The following OR4D10 variants were observed in gnomAD, a reference collection of about 807,000 sequenced individuals.
OR4D10 encodes the protein olfactory receptor family 4 subfamily D member 10, also known as olfactory receptor 4D10.
For synonymous variants in OR4D10, 188 were observed against 153.2 expected, an observed-to-expected ratio of 1.23 and a Z score of -1.68; for missense variants, 395 against 378.0, an observed-to-expected ratio of 1.04 and a Z score of -0.37.
chr11:59,474,993 G>A (rs1370249209), intron 2 of OR4D10, among the ~76,000 whole-genome samples: 13 of 139,014 alleles, frequency 9.4e-5, no homozygotes, highest in Non-Finnish European at 1.4e-4. Flanking sequence ...CCCGGGAGGC[G>A]GAGCTTGCAG....
At position 59,475,060 on chromosome 11, in the gene OR4D10, CAAAAA is replaced by C. The variant is rs771979917; in HGVS notation, c.-169+1279_-169+1283del. Among the ~76,000 whole-genome samples the C allele has an allele frequency of 5.7e-4, 38 of 66,782 alleles. 1 individual carries two copies. Among genetic ancestry groups the C allele is most frequent in the Non-Finnish European group, 7.6e-4 (28 of 37,008 alleles). The allele number at this position is 66,782 out of a possible 152,430, so 43.8% of individuals were successfully genotyped here. A position where few individuals can be genotyped will look rare whatever the true frequency, so the allele number is the denominator to read the frequency against. ...TGGGTGACAGAGTGAGACTCTGTCT[CAAAAA>C]AAAAAAAAAAAGGAAAAAGAAAAAA... is the stretch of plus-strand genomic sequence containing the variant. On this transcript the variant is annotated intron_variant, in intron 2 of 2. Coordinates refer to ENST00000530162, the MANE Select transcript of OR4D10 (RefSeq NM_001004705.2).
intron 2 of OR4D10, among the ~76,000 whole-genome samples, chr11:59,476,827 G>A (rs569610344): frequency 1.8e-4 from 27 of 151,656 alleles, no homozygotes; most frequent in African/African-American, 6.1e-4. Flanking sequence ...TCTCAGCAGC[G>A]AAATTCTTCC....
intron 2 of OR4D10, among the ~76,000 whole-genome samples, chr11:59,474,460 G>A (rs1858877971): frequency 1.3e-5 from 2 of 152,108 alleles, no homozygotes; most frequent in Admixed American, 1.3e-4. Context: ...TGTATAAGGT[G>A]GCGTGAATAA....
At position 59,478,190 on chromosome 11, in the gene OR4D10, G is replaced by C; in HGVS notation, c.761G>C (p.Cys254Ser). ...ITVVTLHFVPCIYVYARPFTA... is the reference protein window; with the variant it reads ...ITVVTLHFVPSIYVYARPFTA... ...GTGGTGACCCTGCATTTCGTGCCCT[G>C]CATCTATGTCTATGCCCGGCCCTTC... Residue 254 changes from cysteine to serine, a missense_variant, in exon 3 of 3, where the codon TGC (cysteine) becomes TCC (serine). By Grantham distance (112) the Cys-to-Ser change is moderately radical. Coordinates refer to ENST00000530162, the MANE Select transcript of OR4D10 (RefSeq NM_001004705.2). The C allele has an allele frequency of 6.2e-7, 1 of 1,613,912 alleles. No individual in the cohort carries two copies.
In OR4D10 at chr11:59,478,382, C is replaced by T. The variant is rs1180879574; in HGVS notation, c.*17C>T. The T allele has an allele frequency of 1.4e-6, 2 of 1,472,054 alleles. No individual in the cohort carries two copies. The highest frequency in any genetic ancestry group is 1.3e-5 in the South Asian group (1 of 75,748). 91.2% of individuals were successfully genotyped at this position (1,472,054 alleles called of 1,614,324 possible). ...AGAAAATAGAAAAAAAAATCCTCAG[C>T]TCTTCATCACCAAAGATATCTTATA... On this transcript the variant is annotated 3_prime_UTR_variant, in exon 3 of 3. Coordinates refer to ENST00000530162, the MANE Select transcript of OR4D10 (RefSeq NM_001004705.2).
In OR4D10 at chr11:59,478,233, T is replaced by A. The variant is rs1489090087; in HGVS notation, c.804T>A (p.Asp268Glu). Reference sequence around the variant, plus strand: ...GGCCCTTCACTGCCCTCCCCATGGATAAGGCCATCTCTGTCACCTTCACTG... The same window carrying A: ...GGCCCTTCACTGCCCTCCCCATGGAAAAGGCCATCTCTGTCACCTTCACTG... Reference protein sequence around the residue: ...YARPFTALPMDKAISVTFTVI... With the variant: ...YARPFTALPMEKAISVTFTVI... Residue 268 changes from aspartate (D) to glutamate (E), a missense_variant, in exon 3 of 3, where the codon GAT becomes GAA. Physicochemically the swap from Asp to Glu is conservative, Grantham distance 45. Coordinates refer to ENST00000530162, the MANE Select transcript of OR4D10 (RefSeq NM_001004705.2). 6.2e-7 allele frequency: 1 copy of A among 1,613,938 alleles called. No homozygotes were observed. Among genetic ancestry groups the A allele is most frequent in the Non-Finnish European group, 8.5e-7 (1 of 1,179,990 alleles).
In OR4D10 at chr11:59,477,535, G is replaced by A; in HGVS notation, c.106G>A (p.Val36Met). 1 of 1,614,076 alleles carries A rather than the reference G, an allele frequency of 6.2e-7. No homozygotes were observed. The highest frequency in any genetic ancestry group is 8.5e-7 in the Non-Finnish European group (1 of 1,179,972). The change falls in exon 3 of 3, where the codon GTG (valine) becomes ATG (methionine). Residue 36 changes from valine (V) to methionine (M), a missense_variant. By Grantham distance (21) the Val-to-Met change is conservative (BLOSUM62 1). Transcript: ENST00000530162. ...VLFLFLLLVYVTTLLGNLLIM... is the reference protein window; with the variant it reads ...VLFLFLLLVYMTTLLGNLLIM... ...ATTTCTTTTCCTACTCTTGGTGTATGTGACAACTTTGCTGGGAAACCTCCT... is the reference window on the plus strand; with the variant it reads ...ATTTCTTTTCCTACTCTTGGTGTATATGACAACTTTGCTGGGAAACCTCCT...
intron 2 of OR4D10, among the ~76,000 whole-genome samples, chr11:59,475,870 A>C (rs1858900852): frequency 6.6e-6 from 1 of 152,190 alleles, no homozygotes; most frequent in Non-Finnish European, 1.5e-5. Context: ...ACTTACCTGA[A>C]AATTTTATAA....
chr11:59,476,850 A>G (rs1858913642), intron 2 of OR4D10, among the ~76,000 whole-genome samples: 3 of 152,122 alleles, frequency 2.0e-5, no homozygotes, highest in African/African-American at 7.2e-5. Flanking sequence ...TGGGGGAAAA[A>G]AAAATCACCT....
At chr11:59,475,009 T>C (rs749109897) in intron 2 of OR4D10, among the ~76,000 whole-genome samples, 2 of 127,288 alleles carry the variant, frequency 1.6e-5, no homozygotes, top group Non-Finnish European at 3.1e-5. Flanking sequence ...TGCAGTGAGC[T>C]GAGATAGCGT....
rs958758015 is a variant in OR4D10 at position 59,478,446 on chromosome 11, A to C, written c.*81A>C. ...CCATGAAGTCATATTCATATATTCA[A>C]ATATATTGTCAAACCAACTACACTT... On this transcript the variant is annotated 3_prime_UTR_variant, in exon 3 of 3. Transcript: ENST00000530162. 1 of 1,027,368 alleles carries C rather than the reference A, an allele frequency of 9.7e-7. No individual in the cohort carries two copies. 63.6% of individuals were successfully genotyped at this position (1,027,368 alleles called of 1,614,324 possible). A position where few individuals can be genotyped will look rare whatever the true frequency, so the allele number is the denominator to read the frequency against.
intron 2 of OR4D10, among the ~76,000 whole-genome samples, chr11:59,474,502 A>G (rs1433958136): frequency 6.6e-6 from 1 of 152,224 alleles, no homozygotes; most frequent in Non-Finnish European, 1.5e-5. Context: ...ATGACCAATG[A>G]CAGCTTATAA....
chr11:59,477,375 C>A lies in OR4D10; in HGVS notation c.-55C>A. 7.8e-7 allele frequency: 1 copy of A among 1,288,516 alleles called. No individual in the cohort carries two copies. The highest frequency in any genetic ancestry group is 1.1e-6 in the Non-Finnish European group (1 of 934,478). The allele number at this position is 1,288,516 out of a possible 1,614,324, so 79.8% of individuals were successfully genotyped here. A position where few individuals can be genotyped will look rare whatever the true frequency, so the allele number is the denominator to read the frequency against. On this transcript the variant is annotated 5_prime_UTR_variant, in exon 3 of 3. Transcript: ENST00000530162. ...TTAGGAAGACAACAAAATAAATATC[C>A]CAGTGCTTTCACATGACATGGTTTA... is the stretch of plus-strand genomic sequence containing the variant.
At chr11:59,476,218 C>T (rs1305525843) in intron 2 of OR4D10, among the ~76,000 whole-genome samples, 1 of 152,206 alleles carries the variant, frequency 6.6e-6, no homozygotes, top group Non-Finnish European at 1.5e-5. Context: ...CGTCAACGCT[C>T]TCCAGCTGAT....
intron 2 of OR4D10, among the ~76,000 whole-genome samples, chr11:59,474,985 C>T (rs867988360): frequency 7.4e-6 from 1 of 135,108 alleles, no homozygotes; most frequent in Admixed American, 8.3e-5. Context: ...GGCGTGAACC[C>T]GGGAGGCGGA....
chr11:59,475,599 G>C (rs1217246311), intron 2 of OR4D10, among the ~76,000 whole-genome samples: 1 of 152,128 alleles, frequency 6.6e-6, no homozygotes, highest in Non-Finnish European at 1.5e-5. Context: ...TAAGAACTTT[G>C]CTGTGGTCAT....
chr11:59,474,753 T>C (rs1858882057), intron 2 of OR4D10, among the ~76,000 whole-genome samples: 2 of 151,332 alleles, frequency 1.3e-5, no homozygotes, highest in Non-Finnish European at 2.9e-5. Flanking sequence ...TGGATCAGAG[T>C]TGAGAGTAAA....
rs1394917480 is a variant in OR4D10, at chr11:59,477,853, A to G, written c.424A>G (p.Ile142Val). ...YATIMSRDHC[I>V]GLTVAAWLGG... is the part of the protein sequence containing the mutation. ...GACTATCATGAGTAGAGACCATTGC[A>G]TTGGGCTCACAGTGGCTGCCTGGTT... is the stretch of plus-strand genomic sequence containing the variant. The change falls in exon 3 of 3, where the codon ATT becomes GTT. Residue 142 changes from isoleucine (I) to valine (V), a missense_variant. Physicochemically the swap from Ile to Val is conservative, Grantham distance 29. Coordinates refer to ENST00000530162, the MANE Select transcript of OR4D10 (RefSeq NM_001004705.2). 5 of 1,614,054 alleles carry G rather than the reference A, an allele frequency of 3.1e-6. No individual in the cohort carries two copies. The highest frequency in any genetic ancestry group is 2.2e-5 in the East Asian group (1 of 44,868).
intron 2 of OR4D10, among the ~76,000 whole-genome samples, chr11:59,474,637 C>CAG (rs561378785): frequency 1.6e-3 from 241 of 152,238 alleles, no homozygotes; most frequent in Admixed American, 4.1e-3. Context: ...CGCTGCCTCC[C>CAG]AGAAAGGGGT....
Sources: gnomAD v4.1 joint callset for allele counts (sites outside exome capture counted in the v4.1 genomes callset) on GRCh38, gnomAD v4.1.1 for gene constraint, MANE v1.5 for transcripts, NCBI Gene and HGNC (gene_info 2026-07-23, HGNC 2026-07-21) for gene names.